The following RFWD3 variants were observed in gnomAD, a reference collection of about 807,000 sequenced individuals.
RFWD3 encodes ring finger and WD repeat domain 3, also known as E3 ubiquitin-protein ligase RFWD3.
RFWD3 carries 65 observed loss-of-function variants against 87.7 expected under a neutral mutation model. That is an observed-to-expected ratio of 0.74 (90% confidence interval 0.61 to 0.91). RFWD3 has a LOEUF of 0.91. RFWD3 is among the 40% of genes least tolerant of loss of function. The pLI, the probability that RFWD3 is intolerant of heterozygous loss-of-function variation, is 0.00. For missense variants in RFWD3, 1,078 were observed against 938.5 expected, an observed-to-expected ratio of 1.15 and a Z score of -1.94; for synonymous variants, 433 against 352.8, an observed-to-expected ratio of 1.23 and a Z score of -2.55.
chr16:74,641,546 G>C (rs1959647297), intron 6 of RFWD3, among the ~76,000 whole-genome samples: 1 of 151,998 alleles, frequency 6.6e-6, no homozygotes, highest in South Asian at 2.1e-4. Flanking sequence ...TATCAACTAG[G>C]ATATACTCCC....
intron 11 of RFWD3, 55 bp downstream of exon 11, chr16:74,628,396 CT>C: frequency 3.9e-6 from 6 of 1,552,064 alleles, no homozygotes; most frequent in Non-Finnish European, 5.3e-6. Flanking sequence ...CCCTCCTTCC[CT>C]TTTCTCTACC....
rs115245680 is a variant in RFWD3 at position 74,662,627 on chromosome 16, G to A, written c.-2-1176C>T. Among the ~76,000 whole-genome samples, 556 of 152,322 alleles carry A rather than the reference G, an allele frequency of 3.7e-3. 2 individuals carry two copies. The highest frequency in any genetic ancestry group is 0.013 in the African/African-American group (526 of 41,568). ...TTAAAAGCAGCTGGCTATGCAAAGA[G>A]CCAAGAAGAGTCTCAGAAGGAAATC... On this transcript the variant is annotated intron_variant, in intron 1 of 12. Transcript: ENST00000361070.
chr16:74,659,042 G>C (rs1365830624), intron 2 of RFWD3, among the ~76,000 whole-genome samples: 1 of 152,176 alleles, frequency 6.6e-6, no homozygotes, highest in African/African-American at 2.4e-5. Flanking sequence ...TTACAGGCGT[G>C]AGCCACTATG....
At chr16:74,661,551 T>C in intron 1 of RFWD3, 100 bp from the exon 2 acceptor site, 5 of 1,134,266 alleles carry the variant, frequency 4.4e-6, no homozygotes, top group East Asian at 2.4e-5. Flanking sequence ...ATGTTTAATA[T>C]CATTCTTAGC....
intron 3 of RFWD3, among the ~76,000 whole-genome samples, chr16:74,650,050 C>T (rs769463980): frequency 4.6e-5 from 7 of 152,192 alleles, no homozygotes; most frequent in Non-Finnish European, 8.8e-5. Flanking sequence ...TGGGCAACCA[C>T]TAATATTATC....
chr16:74,644,394 A>G lies in RFWD3; in HGVS notation c.1047T>C (p.Ala349=). 6.2e-7 allele frequency: 1 copy of G among 1,614,182 alleles called. No homozygotes were observed. The highest frequency in any genetic ancestry group is 1.1e-5 in the South Asian group (1 of 91,090). ...TGCGCTCCTGTTCACTAGTGTCCAA[A>G]GCTCTCAGGGTTCGGGCATAAAGGA... ...IVVLYARTLR[A]LDTSEQERMK... The change falls in exon 6 of 13, where the codon GCT becomes GCC. Residue 349 remains alanine, a synonymous_variant. Coordinates refer to ENST00000361070, the MANE Select transcript of RFWD3 (RefSeq NM_018124.4).
intron 12 of RFWD3, 41 bp from the exon 13 acceptor site, chr16:74,624,112 G>C (rs771760258): frequency 1.3e-6 from 2 of 1,594,748 alleles, no homozygotes; most frequent in East Asian, 2.3e-5. Flanking sequence ...GAGTCAGTCA[G>C]TACACGAAGG....
intron 2 of RFWD3, among the ~76,000 whole-genome samples, chr16:74,657,954 G>C (rs1337319477): frequency 1.3e-5 from 2 of 151,998 alleles, no homozygotes; most frequent in Non-Finnish European, 2.9e-5. Context: ...ATTCTACATA[G>C]AACCCAGTAA....
At chr16:74,650,642 C>T (rs1163522811) in intron 3 of RFWD3, among the ~76,000 whole-genome samples, 2 of 152,044 alleles carry the variant, frequency 1.3e-5, no homozygotes, top group South Asian at 2.1e-4. Flanking sequence ...ACTTTTCTAT[C>T]GTTCCTGCTG....
At position 74,652,057 on chromosome 16, in the gene RFWD3, G is replaced by A. The variant is rs1039065840; in HGVS notation, c.584C>T (p.Thr195Ile). 3.7e-6 allele frequency: 6 copies of A among 1,614,024 alleles called. No homozygotes were observed. Among genetic ancestry groups the A allele is most frequent in the Non-Finnish European group, 4.2e-6 (5 of 1,180,040 alleles). ...AGGATTCCTAGTCTCTGAATCATAA[G>A]TGGTAGCTGGCAAGTCAGGCTGGGT... is the stretch of plus-strand genomic sequence containing the variant. Reference protein sequence around the residue: ...SRTQPDLPATTYDSETRNPVS... With the variant: ...SRTQPDLPATIYDSETRNPVS... The change falls in exon 3 of 13, where the codon ACT becomes ATT. Residue 195 changes from threonine (T) to isoleucine (I), a missense_variant. Transcript: ENST00000361070.
At position 74,628,602 on chromosome 16, in the gene RFWD3, C is replaced by A; in HGVS notation, c.1819G>T (p.Val607Leu). 6.2e-7 allele frequency: 1 copy of A among 1,614,200 alleles called. No individual in the cohort carries two copies. The highest frequency in any genetic ancestry group is 1.3e-5 in the African/African-American group (1 of 75,058). Residue 607 changes from valine (V) to leucine (L), a missense_variant, in exon 11 of 13, where the codon GTG becomes TTG. Coordinates refer to ENST00000361070, the MANE Select transcript of RFWD3 (RefSeq NM_018124.4). Reference sequence around the variant, plus strand: ...GCATCCTCCAAGGTTCCAGCCAGCACCCCACCATATGGAAATGCAGCTGAG... The same window carrying A: ...GCATCCTCCAAGGTTCCAGCCAGCAACCCACCATATGGAAATGCAGCTGAG... Reference protein sequence around the residue: ...AASAAFPYGGVLAGTLEDASF... With the variant: ...AASAAFPYGGLLAGTLEDASF...
intron 1 of RFWD3, chr16:74,664,465 A>G (rs1961717019): frequency 6.6e-6 from 1 of 152,192 alleles, no homozygotes. Flanking sequence ...TAAAAATCAA[A>G]TTCGGCCAGG....
chr16:74,641,572 G>C (rs1221090462), intron 6 of RFWD3, among the ~76,000 whole-genome samples: 1 of 151,846 alleles, frequency 6.6e-6, no homozygotes. Flanking sequence ...ATAAAATTAA[G>C]CAAAAAAGCA....
chr16:74,660,913 T>C lies in RFWD3; in HGVS notation c.518+19A>G. 1 of 1,599,740 alleles carries C rather than the reference T, an allele frequency of 6.3e-7. No homozygotes were observed. Among genetic ancestry groups the C allele is most frequent in the East Asian group, 2.2e-5 (1 of 44,676 alleles). ...TCTAGTACAGCAATGATCACAGACT[T>C]ATCCATATATTTATTTACCTGGCAC... On this transcript the variant is annotated intron_variant, in intron 2 of 12. Coordinates refer to ENST00000361070, the MANE Select transcript of RFWD3 (RefSeq NM_018124.4).
chr16:74,632,618 C>G lies in RFWD3; in HGVS notation c.1482G>C (p.Pro494=), dbSNP rs769001463. ...TANMKSSQYI[P]MHGKQIRGLA... ...GTCCACGGATCTGTTTGCCATGCAT[C>G]GGAATGTACTGACTGCTCTTCATGT... Residue 494 remains proline (P), a synonymous_variant, in exon 9 of 13, where the codon CCG becomes CCC. Transcript: ENST00000361070. 31 of 1,614,102 alleles carry G rather than the reference C, an allele frequency of 1.9e-5. No homozygotes were observed. Among genetic ancestry groups the G allele is most frequent in the Non-Finnish European group, 2.6e-5 (31 of 1,180,008 alleles).
chr16:74,647,741 G>A (rs917916766), intron 4 of RFWD3, among the ~76,000 whole-genome samples: 1 of 151,608 alleles, frequency 6.6e-6, no homozygotes, highest in African/African-American at 2.4e-5. Flanking sequence ...ATATGCGCCT[G>A]CCAACATACC....
At chr16:74,658,018 A>G (rs1961136650) in intron 2 of RFWD3, among the ~76,000 whole-genome samples, 1 of 152,228 alleles carries the variant, frequency 6.6e-6, no homozygotes, top group African/African-American at 2.4e-5. Context: ...TTTATGTAGC[A>G]AAGAATTTCC....
intron 1 of RFWD3, among the ~76,000 whole-genome samples, chr16:74,665,068 A>G (rs1309865952): frequency 6.6e-6 from 1 of 152,118 alleles, no homozygotes; most frequent in Non-Finnish European, 1.5e-5. Context: ...CATCTTTGTT[A>G]CTCAGGTTTC....
chr16:74,632,846 T>A, intron 8 of RFWD3, 173 bp from the exon 9 acceptor site: 1 of 597,266 alleles, frequency 1.7e-6, no homozygotes, highest in Non-Finnish European at 2.9e-6. Context: ...TTTTTGAGAG[T>A]TGGCCAGGCT....
Sources: gnomAD v4.1 joint callset for allele counts (sites outside exome capture counted in the v4.1 genomes callset) on GRCh38, gnomAD v4.1.1 for gene constraint, MANE v1.5 for transcripts, NCBI Gene and HGNC (gene_info 2026-07-23, HGNC 2026-07-21) for gene names.